Variants in CACNA1I observed in about 807,000 individuals in gnomAD.
CACNA1I encodes voltage-dependent T-type calcium channel subunit alpha-1I.
A neutral mutation model predicts 201.6 loss-of-function variants in CACNA1I; 74 were observed. The observed-to-expected ratio is 0.37, with a 90% CI of 0.30 to 0.45. CACNA1I has a LOEUF of 0.45. CACNA1I is among the 20% of genes least tolerant of loss of function. The pLI is 1.00. For missense variants in CACNA1I, 2,346 were observed against 3,138.1 expected (o/e 0.75, Z 6.03); for synonymous variants, 1,431 against 1,345.2 (o/e 1.06, Z -1.40).
intron 2 of CACNA1I, among the ~76,000 whole-genome samples, chr22:39,599,751 C>A (rs1409310623): frequency 6.6e-6 from 1 of 152,128 alleles, no homozygotes; most frequent in Non-Finnish European, 1.5e-5. Context: ...GGCCCCAGGC[C>A]TGGTTAGCCT....
chr22:39,660,281 G>A (rs1284252155), intron 14 of CACNA1I, 63 bp from the exon 15 acceptor site: 11 of 1,289,580 alleles, frequency 8.5e-6, no homozygotes, highest in Non-Finnish European at 1.1e-5. Context: ...AAAAATTCTA[G>A]AGGGAGCTGG....
intron 32 of CACNA1I, 125 bp from the exon 33 acceptor site, chr22:39,679,597 G>A (rs1601529370): frequency 9.2e-7 from 1 of 1,089,410 alleles, no homozygotes; most frequent in South Asian, 1.6e-5. Context: ...CCTGTGATGA[G>A]GGGGTCGGTC....
chr22:39,629,135 G>T lies in CACNA1I; in HGVS notation c.581-5430G>T, dbSNP rs2146405704. ...AAAGGGTGAGCAGCTCCATCCACTTGCCCGCTGCCATCTGCCACCACCAAG... is the reference window on the plus strand; with the variant it reads ...AAAGGGTGAGCAGCTCCATCCACTTTCCCGCTGCCATCTGCCACCACCAAG... On this transcript the variant is annotated intron_variant, in intron 4 of 36. Transcript: ENST00000402142. This position sits in a 1 kb window ranked among gnomAD's most constrained non-coding sequence, Gnocchi z 4.8. 6.6e-6 allele frequency among the ~76,000 whole-genome samples: 1 copy of T among 152,214 alleles called. No homozygotes were observed. Among genetic ancestry groups the T allele is most frequent in the South Asian group, 2.1e-4 (1 of 4,830 alleles).
At chr22:39,586,447 G>A (rs1415035090) in intron 1 of CACNA1I, among the ~76,000 whole-genome samples, 1 of 152,128 alleles carries the variant, frequency 6.6e-6, no homozygotes, top group Non-Finnish European at 1.5e-5. Context: ...AGCCAAGATA[G>A]TGCTACTGCA....
intron 1 of CACNA1I, among the ~76,000 whole-genome samples, chr22:39,582,923 A>ACCAT (rs1443016820): frequency 6.9e-6 from 1 of 144,608 alleles, no homozygotes; most frequent in Non-Finnish European, 1.5e-5. Context: ...CATCCATCTA[A>ACCAT]CCATCCATCC....
In CACNA1I at chr22:39,647,872, C is replaced by A. The variant is rs57732048; in HGVS notation, c.1513C>A (p.His505Asn). Reference sequence around the variant, plus strand: ...TGAAGGGAGACATCTCGGAAGCCGGCATTGCCAGACTTTGCATGGGCCTGC... The same window carrying A: ...TGAAGGGAGACATCTCGGAAGCCGGAATTGCCAGACTTTGCATGGGCCTGC... ...GDEGRHLGSRHCQTLHGPASP... is the reference protein window; with the variant it reads ...GDEGRHLGSRNCQTLHGPASP... Residue 505 changes from histidine to asparagine, a missense_variant, in exon 9 of 37, where the codon CAT becomes AAT. His to Asn is a moderately conservative substitution (Grantham distance 68, BLOSUM62 1). Coordinates refer to ENST00000402142, the MANE Select transcript of CACNA1I (RefSeq NM_021096.4). 9,567 of 1,613,660 alleles carry A rather than the reference C, an allele frequency of 5.9e-3. 40 individuals carry two copies. The highest frequency in any genetic ancestry group is 7.3e-3 in the Non-Finnish European group (8,577 of 1,179,746).
At chr22:39,624,234 A>G (rs1933837229) in intron 4 of CACNA1I, among the ~76,000 whole-genome samples, 1 of 151,968 alleles carries the variant, frequency 6.6e-6, no homozygotes, top group Non-Finnish European at 1.5e-5. Context: ...CTCTCCCTCC[A>G]GGTCCTCTTT....
rs1476670023 is a variant in CACNA1I, at chr22:39,662,869, G to A, written c.3466G>A (p.Glu1156Lys). The change falls in exon 18 of 37, where the codon GAG becomes AAG. Residue 1156 changes from glutamate to lysine, a missense_variant. Transcript: ENST00000402142. The stretch of plus-strand genomic sequence containing the variant: ...CTGGTCTGTCTACCTCTTCTCTCCC[G>A]AGAACAGGTGGGCAGGGCCAGGCCT... ...EDWSVYLFSP[E>K]NRFRVLCQTI... 3 of 1,584,504 alleles carry A rather than the reference G, an allele frequency of 1.9e-6. No homozygotes were observed. The highest frequency in any genetic ancestry group is 2.6e-6 in the Non-Finnish European group (3 of 1,163,478).
At chr22:39,681,263 C>T (rs560718499) in intron 34 of CACNA1I, among the ~76,000 whole-genome samples, 1 of 152,364 alleles carries the variant, frequency 6.6e-6, no homozygotes, top group Admixed American at 6.5e-5. Flanking sequence ...GCCCAGCCAG[C>T]ACTCCAACCC....
chr22:39,642,031 C>T (rs796408883), intron 6 of CACNA1I, among the ~76,000 whole-genome samples: 17 of 152,288 alleles, frequency 1.1e-4, no homozygotes, highest in African/African-American at 3.8e-4. Flanking sequence ...AGAGGGGGAG[C>T]TGAGAAGTCC....
chr22:39,619,257 TG>T, intron 3 of CACNA1I, 52 bp from the exon 4 acceptor site: 1 of 1,402,900 alleles, frequency 7.1e-7, no homozygotes, highest in Non-Finnish European at 1.0e-6. Flanking sequence ...GCCCGGGCCC[TG>T]GCCCCAGCTG....
chr22:39,641,098 T>A lies in CACNA1I; in HGVS notation c.972T>A (p.Asn324Lys), dbSNP rs753941621. 6.2e-7 allele frequency: 1 copy of A among 1,613,918 alleles called. No individual in the cohort carries two copies. The highest frequency in any genetic ancestry group is 8.5e-7 in the Non-Finnish European group (1 of 1,179,912). The change falls in exon 6 of 37, where the codon AAT becomes AAA. Residue 324 changes from asparagine (N) to lysine (K), a missense_variant. Around this residue, in one of 13 missense-constraint regions of CACNA1I, gnomAD observed 227 missense variants for 412.5 expected, o/e 0.55. Coordinates refer to ENST00000402142, the MANE Select transcript of CACNA1I (RefSeq NM_021096.4). ...GTGTCAACTGGAACCGTTACTACAATGTGTGCCGCACGGGCAGCGCCAACC... is the reference window on the plus strand; with the variant it reads ...GTGTCAACTGGAACCGTTACTACAAAGTGTGCCGCACGGGCAGCGCCAACC... ...GLCVNWNRYY[N>K]VCRTGSANPH...
chr22:39,641,866 C>G (rs548182670), intron 6 of CACNA1I, among the ~76,000 whole-genome samples: 1 of 152,268 alleles, frequency 6.6e-6, no homozygotes, highest in Admixed American at 6.5e-5. Flanking sequence ...CCTCAGTTTT[C>G]CCATCTTTAA....
intron 28 of CACNA1I, among the ~76,000 whole-genome samples, 191 bp downstream of exon 28, chr22:39,673,273 C>G (rs1464105037): frequency 6.6e-6 from 1 of 152,068 alleles, no homozygotes; most frequent in Non-Finnish European, 1.5e-5. Flanking sequence ...ACGCATGCAC[C>G]CTCTGTGTGC....
At chr22:39,617,340 A>C (rs1933570174) in intron 3 of CACNA1I, among the ~76,000 whole-genome samples, 1 of 152,140 alleles carries the variant, frequency 6.6e-6, no homozygotes, top group Non-Finnish European at 1.5e-5. Flanking sequence ...GGGAGCCCCC[A>C]TCTCCAGCTC....
intron 34 of CACNA1I, 131 bp from the exon 35 acceptor site, chr22:39,682,365 G>T (rs776142116): frequency 4.3e-6 from 3 of 701,050 alleles, no homozygotes; most frequent in East Asian, 2.7e-5. Flanking sequence ...GGTAGAGGAG[G>T]TGAGAGGAAG....
rs1935958450 is a variant in CACNA1I at position 39,688,893 on chromosome 22, G to A, written c.*2488G>A. 3 of 152,506 alleles carry A rather than the reference G, an allele frequency of 2.0e-5. No homozygotes were observed. The allele number at this position is 152,506 out of a possible 1,614,324, so 9.4% of individuals were successfully genotyped here. ...AGAGAAGCTCCTTGCAGGGAGCACT[G>A]GGAGATGGCCTGGCCCGTCCCAGGC... On this transcript the variant is annotated 3_prime_UTR_variant, in exon 37 of 37. Coordinates refer to ENST00000402142, the MANE Select transcript of CACNA1I (RefSeq NM_021096.4). This position sits in a 1 kb window ranked among gnomAD's most constrained non-coding sequence, Gnocchi z 4.8.
At chr22:39,581,461 T>C (rs1932545194) in intron 1 of CACNA1I, among the ~76,000 whole-genome samples, 1 of 152,074 alleles carries the variant, frequency 6.6e-6, no homozygotes, top group South Asian at 2.1e-4. Context: ...CCGTTCCTGC[T>C]CCCAGCAGCT....
At chr22:39,650,723 T>G (rs1349292594) in intron 10 of CACNA1I, among the ~76,000 whole-genome samples, 1 of 152,246 alleles carries the variant, frequency 6.6e-6, no homozygotes, top group Non-Finnish European at 1.5e-5. Context: ...GTGTGTCCTC[T>G]CTGCATGTCC....
Sources: gnomAD v4.1 joint callset for allele counts (sites outside exome capture counted in the v4.1 genomes callset) on GRCh38, gnomAD v4.1.1 for gene constraint, gnomAD v4.1.1 regional missense constraint, Gnocchi (gnomAD v3.1) non-coding constraint, MANE v1.5 for transcripts, NCBI Gene and HGNC (gene_info 2026-07-23, HGNC 2026-07-21) for gene names.